The following DLC1 variants were observed in gnomAD, a reference collection of about 807,000 sequenced individuals.
The protein encoded by DLC1 is DLC1 Rho GTPase activating protein, also known as rho GTPase-activating protein 7.
DLC1 carries 54 observed loss-of-function variants against 140.3 expected under a neutral mutation model. The ratio of observed to expected loss-of-function variants is 0.38; its 90% CI spans 0.31 to 0.48. The LOEUF (loss-of-function observed/expected upper bound fraction) is 0.48, where lower values mean the gene tolerates loss of function less well. Among genes scored for constraint, DLC1 ranks in the 20% least tolerant of loss-of-function variants. The pLI is 0.96. For synonymous variants in DLC1, 986 were observed against 728.1 expected (o/e 1.35, Z -5.70); for missense variants, 2,536 against 1,907.0 (o/e 1.33, Z -6.14).
intron 5 of DLC1, among the ~76,000 whole-genome samples, chr8:13,210,052 G>A (rs956936118): frequency 6.6e-6 from 1 of 152,182 alleles, no homozygotes; most frequent in African/African-American, 2.4e-5. Context: ...GGTGTTTGGT[G>A]TGGGGTAGGG....
chr8:13,469,983 C>T lies in DLC1; in HGVS notation c.1023+29066G>A, dbSNP rs1331995236. Among the ~76,000 whole-genome samples the T allele has an allele frequency of 9.9e-5, 15 of 152,200 alleles. No individual in the cohort carries two copies. The East Asian group carries it at 2.9e-3, about 29-fold the overall frequency. On this transcript the variant is annotated intron_variant, in intron 2 of 17. Transcript: ENST00000276297. The stretch of plus-strand genomic sequence containing the variant: ...GCAGCTTATTTTGTATAGAAAGTGG[C>T]ATTTGGATTTCCCTCAATTTTTATT...
At chr8:13,537,292 G>C (rs930198434) in intron 1 of DLC1, among the ~76,000 whole-genome samples, 1 of 152,112 alleles carries the variant, frequency 6.6e-6, no homozygotes. Flanking sequence ...TGCCATTCAG[G>C]CCCTCCACAA....
chr8:13,362,287 G>T (rs1249885653), intron 4 of DLC1, among the ~76,000 whole-genome samples: 2 of 152,178 alleles, frequency 1.3e-5, no homozygotes, highest in African/African-American at 2.4e-5. Flanking sequence ...AGTAAAACTG[G>T]AGAAAGAGCC....
chr8:13,428,124 G>A (rs890806337), intron 2 of DLC1, among the ~76,000 whole-genome samples: 2 of 152,106 alleles, frequency 1.3e-5, no homozygotes, highest in Non-Finnish European at 2.9e-5. Context: ...CCAGGCTTTT[G>A]TATGGGCGTG....
At chr8:13,400,465 G>T (rs1199778974) in intron 3 of DLC1, among the ~76,000 whole-genome samples, 1 of 152,094 alleles carries the variant, frequency 6.6e-6, no homozygotes, top group African/African-American at 2.4e-5. Context: ...AGTTCATAAT[G>T]TTATTCCACT....
At chr8:13,452,193 A>C (rs1054804174) in intron 2 of DLC1, among the ~76,000 whole-genome samples, 2 of 150,574 alleles carry the variant, frequency 1.3e-5, no homozygotes, top group Non-Finnish European at 3.0e-5. Flanking sequence ...ATAAATAAAA[A>C]TTATTTTATA....
intron 4 of DLC1, among the ~76,000 whole-genome samples, chr8:13,352,019 C>T (rs1047422879): frequency 6.6e-6 from 1 of 152,234 alleles, no homozygotes; most frequent in Non-Finnish European, 1.5e-5. Context: ...CAGGCATGAG[C>T]CACGGTGCCC....
intron 5 of DLC1, 142 bp downstream of exon 5, chr8:13,305,127 T>C: frequency 7.4e-7 from 1 of 1,343,264 alleles, no homozygotes; most frequent in Non-Finnish European, 9.6e-7. Context: ...GCAAAACAAA[T>C]TTCTTTTACA....
At chr8:13,187,868 C>A (rs78594571) in intron 5 of DLC1, among the ~76,000 whole-genome samples, 1,698 of 152,288 alleles carry the variant, frequency 0.011, 13 homozygotes, top group South Asian at 0.037. Flanking sequence ...CCTCTAGCAC[C>A]AGCCTGAATA....
chr8:13,273,790 G>A (rs1329506495), intron 5 of DLC1, among the ~76,000 whole-genome samples: 1 of 150,610 alleles, frequency 6.6e-6, no homozygotes, highest in East Asian at 2.0e-4. Context: ...GAGAGAGAAT[G>A]AATAAGAATA....
chr8:13,255,167 T>G (rs1232125124), intron 5 of DLC1, among the ~76,000 whole-genome samples: 4 of 152,038 alleles, frequency 2.6e-5, no homozygotes, highest in African/African-American at 9.7e-5. Flanking sequence ...GATGGGTTTC[T>G]GCCATGTTTG....
chr8:13,120,566 T>G (rs1426178010), intron 5 of DLC1, among the ~76,000 whole-genome samples: 2 of 151,474 alleles, frequency 1.3e-5, no homozygotes. Flanking sequence ...GATGTGAAAA[T>G]TACGAGGATG....
chr8:13,385,539 G>A (rs539358614), intron 4 of DLC1, among the ~76,000 whole-genome samples: 2 of 152,256 alleles, frequency 1.3e-5, no homozygotes, highest in South Asian at 2.1e-4. Context: ...GGATAAAGGA[G>A]GTTTTCAAGT....
chr8:13,482,589 A>T (rs934961301), intron 2 of DLC1, among the ~76,000 whole-genome samples: 2 of 152,192 alleles, frequency 1.3e-5, no homozygotes, highest in Non-Finnish European at 2.9e-5. Context: ...TAATGTAGAG[A>T]TGTCCCCATG....
At chr8:13,507,633 C>T (rs1193573271) in intron 1 of DLC1, among the ~76,000 whole-genome samples, 6 of 152,142 alleles carry the variant, frequency 3.9e-5, no homozygotes, top group Admixed American at 3.9e-4. Flanking sequence ...TTGTTTAATG[C>T]TGGAATGTAC....
chr8:13,421,829 C>G (rs921641969), intron 2 of DLC1, among the ~76,000 whole-genome samples: 5 of 152,098 alleles, frequency 3.3e-5, no homozygotes, highest in Admixed American at 2.6e-4. Context: ...ACTCTTAACC[C>G]TAATTTCTGC....
chr8:13,466,138 T>C (rs1430812044), intron 2 of DLC1, among the ~76,000 whole-genome samples: 1 of 152,198 alleles, frequency 6.6e-6, no homozygotes. Flanking sequence ...TCACACCTGC[T>C]TGTTCTAAAC....
intron 5 of DLC1, among the ~76,000 whole-genome samples, chr8:13,161,954 G>T (rs975549804): frequency 6.6e-6 from 1 of 152,172 alleles, no homozygotes; most frequent in African/African-American, 2.4e-5. Flanking sequence ...AGGCTTTTGT[G>T]ATAAATAAAA....
At chr8:13,148,829 G>T (rs1419843538) in intron 5 of DLC1, among the ~76,000 whole-genome samples, 1 of 152,024 alleles carries the variant, frequency 6.6e-6, no homozygotes, top group Non-Finnish European at 1.5e-5. Context: ...GTCTTGCTCT[G>T]TCTCCCAGGC....
Sources: allele counts gnomAD v4.1 joint callset (sites outside exome capture counted in the v4.1 genomes callset), GRCh38; gene constraint gnomAD v4.1.1; transcripts MANE v1.5; gene names NCBI Gene and HGNC (gene_info 2026-07-23, HGNC 2026-07-21).